The following GRM8 variants were observed in gnomAD, a reference collection of about 807,000 sequenced individuals.
GRM8 encodes the protein metabotropic glutamate receptor 8.
A neutral mutation model predicts 87.2 loss-of-function variants in GRM8; 47 were observed. The ratio of observed to expected loss-of-function variants is 0.54; its 90% CI spans 0.43 to 0.69. The LOEUF is 0.69. Ranked by LOEUF, GRM8 falls within the 30% of genes least tolerant of loss-of-function variation. The pLI, the probability that GRM8 is intolerant of heterozygous loss-of-function variation, is 0.00. For missense variants in GRM8, 1,019 were observed against 1,139.2 expected, an observed-to-expected ratio of 0.89 and a Z score of 1.52; for synonymous variants, 396 against 404.5, an observed-to-expected ratio of 0.98 and a Z score of 0.25.
intron 8 of GRM8, among the ~76,000 whole-genome samples, chr7:126,594,573 C>A (rs1252832917): frequency 1.3e-5 from 2 of 151,792 alleles, no homozygotes; most frequent in African/African-American, 4.8e-5. Flanking sequence ...GGGCTTGGGT[C>A]ATTGAAGGAT....
chr7:126,803,222 T>C (rs563644294), intron 6 of GRM8, among the ~76,000 whole-genome samples: 2 of 152,228 alleles, frequency 1.3e-5, no homozygotes, highest in Admixed American at 6.5e-5. Flanking sequence ...GTAAGGACTT[T>C]GGAACCTTGT....
chr7:127,175,764 GA>G (rs1244450306), intron 2 of GRM8, among the ~76,000 whole-genome samples: 1 of 152,136 alleles, frequency 6.6e-6, no homozygotes, highest in African/African-American at 2.4e-5. Flanking sequence ...AAGTAAAAGA[GA>G]AGGACTTCCT....
chr7:127,128,635 T>C (rs1441416965), intron 2 of GRM8, among the ~76,000 whole-genome samples: 3 of 152,206 alleles, frequency 2.0e-5, no homozygotes, highest in East Asian at 1.9e-4. Flanking sequence ...GCAGATATCA[T>C]TATCTCTACT....
chr7:126,763,498 A>T (rs1014816939), intron 7 of GRM8, among the ~76,000 whole-genome samples: 1 of 131,688 alleles, frequency 7.6e-6, no homozygotes, highest in Non-Finnish European at 1.7e-5. Context: ...CACACACACA[A>T]TTGTAGAATT....
At chr7:126,972,437 C>A (rs958978430) in intron 3 of GRM8, among the ~76,000 whole-genome samples, 12 of 152,240 alleles carry the variant, frequency 7.9e-5, no homozygotes, top group African/African-American at 2.9e-4. Flanking sequence ...ACTGCCTTTT[C>A]TCTTCTCGGA....
chr7:126,860,368 T>C (rs1257285393), intron 6 of GRM8, among the ~76,000 whole-genome samples: 2 of 152,188 alleles, frequency 1.3e-5, no homozygotes, highest in Non-Finnish European at 2.9e-5. Flanking sequence ...AAGTCTGCTA[T>C]AGAAGCTATT....
At chr7:126,812,696 A>C (rs1793415132) in intron 6 of GRM8, among the ~76,000 whole-genome samples, 1 of 151,894 alleles carries the variant, frequency 6.6e-6, no homozygotes. Flanking sequence ...AAGGGAGGAC[A>C]CTCTATACTC....
At chr7:127,102,482 C>T (rs913597885) in intron 3 of GRM8, among the ~76,000 whole-genome samples, 7 of 152,196 alleles carry the variant, frequency 4.6e-5, no homozygotes, top group Non-Finnish European at 1.0e-4. Flanking sequence ...GGTCCAGGGC[C>T]CCACTGCCCT....
chr7:127,147,738 C>T (rs1036022699), intron 2 of GRM8, among the ~76,000 whole-genome samples: 3 of 151,418 alleles, frequency 2.0e-5, no homozygotes, highest in Non-Finnish European at 2.9e-5. Flanking sequence ...TCTATAATGC[C>T]TGAATCCTTT....
At chr7:126,561,468 C>CA (rs905383168) in intron 8 of GRM8, among the ~76,000 whole-genome samples, 20 of 141,700 alleles carry the variant, frequency 1.4e-4, no homozygotes, top group South Asian at 2.3e-4. Flanking sequence ...GACTCTGTTT[C>CA]AAAAAAAAAA....
At chr7:126,506,147 A>G (rs1249790559) in intron 9 of GRM8, among the ~76,000 whole-genome samples, 7 of 152,018 alleles carry the variant, frequency 4.6e-5, no homozygotes, top group Non-Finnish European at 1.0e-4. Flanking sequence ...GGTTCATCTA[A>G]CATTGTTGCA....
chr7:126,597,318 G>A (rs1383756311), intron 8 of GRM8, among the ~76,000 whole-genome samples: 2 of 151,974 alleles, frequency 1.3e-5, no homozygotes, highest in African/African-American at 4.8e-5. Context: ...TACAATGGGA[G>A]GCTACATCTT....
chr7:126,659,016 T>A (rs1450776746), intron 7 of GRM8, among the ~76,000 whole-genome samples: 1 of 151,842 alleles, frequency 6.6e-6, no homozygotes, highest in African/African-American at 2.4e-5. Context: ...TTGTAGGTAA[T>A]TAATATGGTT....
intron 7 of GRM8, among the ~76,000 whole-genome samples, chr7:126,666,366 A>G (rs1805769776): frequency 1.3e-5 from 2 of 152,194 alleles, no homozygotes; most frequent in African/African-American, 4.8e-5. Flanking sequence ...AAAATGTGCC[A>G]AGCCTGAAAA....
At chr7:126,789,297 A>G (rs564184328) in intron 6 of GRM8, among the ~76,000 whole-genome samples, 2 of 148,934 alleles carry the variant, frequency 1.3e-5, no homozygotes, top group East Asian at 3.9e-4. Context: ...AAGAACAACA[A>G]AGGCATTTTT....
chr7:126,883,911 T>C (rs1164540328), intron 6 of GRM8, among the ~76,000 whole-genome samples: 2 of 152,136 alleles, frequency 1.3e-5, no homozygotes, highest in Non-Finnish European at 2.9e-5. Flanking sequence ...TTTAAGCACA[T>C]TTTCTGAAAT....
chr7:127,029,076 T>A (rs961486640), intron 3 of GRM8, among the ~76,000 whole-genome samples: 1 of 152,112 alleles, frequency 6.6e-6, no homozygotes, highest in Non-Finnish European at 1.5e-5. Context: ...TTTATTTCTG[T>A]CTTCATTTCA....
intron 6 of GRM8, among the ~76,000 whole-genome samples, chr7:126,821,092 ACT>A (rs1794254720): frequency 1.3e-5 from 2 of 152,036 alleles, no homozygotes; most frequent in Admixed American, 6.5e-5. Context: ...ACGGAGCAAG[ACT>A]CTGTCTCAAT....
intron 8 of GRM8, among the ~76,000 whole-genome samples, chr7:126,561,042 A>G (rs1463982517): frequency 6.6e-6 from 1 of 152,192 alleles, no homozygotes; most frequent in African/African-American, 2.4e-5. Flanking sequence ...GACACACTAC[A>G]TGGTCTACTA....
Sources: allele counts gnomAD v4.1 joint callset (sites outside exome capture counted in the v4.1 genomes callset), GRCh38; gene constraint gnomAD v4.1.1; transcripts MANE v1.5; gene names NCBI Gene and HGNC (gene_info 2026-07-23, HGNC 2026-07-21).